Variants in MEI4 observed in about 807,000 individuals in gnomAD.
MEI4 encodes meiotic double-stranded break formation protein 4, also known as meiosis-specific protein MEI4.
In MEI4, 27 loss-of-function variants were observed where a neutral mutation model predicts 31.4. The observed-to-expected ratio is 0.86, with a 90% confidence interval of 0.63 to 1.19. MEI4 has a LOEUF of 1.19. Among genes scored for constraint, MEI4 ranks in the 50% most tolerant of loss-of-function variants. MEI4 has a pLI of 0.00. For missense variants in MEI4, 329 were observed against 398.9 expected (o/e 0.82, Z 1.49); for synonymous variants, 122 against 145.4 (o/e 0.84, Z 1.16).
At chr6:77,697,867 GT>G (rs1314765033) in intron 2 of MEI4, among the ~76,000 whole-genome samples, 2 of 152,158 alleles carry the variant, frequency 1.3e-5, no homozygotes, top group Admixed American at 6.5e-5. Flanking sequence ...ACAGTGGGGT[GT>G]TAAAGTCTCC....
intron 4 of MEI4, among the ~76,000 whole-genome samples, chr6:77,890,885 G>A (rs7764019): frequency 3.3e-5 from 5 of 152,104 alleles, no homozygotes; most frequent in Admixed American, 6.5e-5. Flanking sequence ...TCCTGCTGCC[G>A]TGTGAATAAA....
chr6:77,757,212 T>C (rs1249947377), intron 2 of MEI4, among the ~76,000 whole-genome samples: 1 of 152,236 alleles, frequency 6.6e-6, no homozygotes, highest in Non-Finnish European at 1.5e-5. Context: ...AGCTAGTTTG[T>C]ATAATAAAAT....
intron 2 of MEI4, among the ~76,000 whole-genome samples, chr6:77,730,626 TTTTA>T (rs1766955861): frequency 1.3e-5 from 2 of 151,274 alleles, no homozygotes; most frequent in Admixed American, 6.6e-5. Context: ...ATTTATTTAC[TTTTA>T]TTTATTATTA....
chr6:77,738,575 T>C (rs1178270160), intron 2 of MEI4, among the ~76,000 whole-genome samples: 2 of 152,102 alleles, frequency 1.3e-5, no homozygotes, highest in East Asian at 3.9e-4. Flanking sequence ...GTCTTTATAG[T>C]AGAATGATTT....
chr6:77,795,213 A>G (rs1769044562), intron 3 of MEI4, among the ~76,000 whole-genome samples: 1 of 152,182 alleles, frequency 6.6e-6, no homozygotes, highest in South Asian at 2.1e-4. Flanking sequence ...AATAATAATG[A>G]TTAGCACAGA....
chr6:77,899,891 CTT>C (rs1766153696), intron 4 of MEI4, among the ~76,000 whole-genome samples: 1 of 149,542 alleles, frequency 6.7e-6, no homozygotes, highest in Non-Finnish European at 1.5e-5. Context: ...GTAGATGTCT[CTT>C]TGACTTAAAT....
At chr6:77,894,701 A>C (rs1397371712) in intron 4 of MEI4, among the ~76,000 whole-genome samples, 1 of 152,206 alleles carries the variant, frequency 6.6e-6, no homozygotes, top group Non-Finnish European at 1.5e-5. Flanking sequence ...CTTGTGAGCC[A>C]ATCTTGTTGT....
intron 4 of MEI4, among the ~76,000 whole-genome samples, chr6:77,882,427 C>T (rs1348011528): frequency 1.3e-5 from 2 of 152,144 alleles, no homozygotes; most frequent in African/African-American, 4.8e-5. Flanking sequence ...TTCTTGGAGG[C>T]AATGCAAGCA....
chr6:77,792,078 G>T (rs1768952638), intron 3 of MEI4, among the ~76,000 whole-genome samples: 1 of 152,098 alleles, frequency 6.6e-6, no homozygotes, highest in African/African-American at 2.4e-5. Context: ...TTCACCTAAT[G>T]TAATGTCCTC....
chr6:77,695,321 G>C (rs984568135), intron 2 of MEI4, among the ~76,000 whole-genome samples: 4 of 151,900 alleles, frequency 2.6e-5, no homozygotes, highest in African/African-American at 4.8e-5. Flanking sequence ...TGGTGTTTTA[G>C]ACATGAAGTC....
chr6:77,686,030 A>G (rs547325112), intron 1 of MEI4, among the ~76,000 whole-genome samples: 8 of 152,084 alleles, frequency 5.3e-5, no homozygotes, highest in Middle Eastern at 6.8e-3. Context: ...ATTTCACTTG[A>G]GATCTGGTTG....
At chr6:77,745,950 C>G (rs1281848794) in intron 2 of MEI4, among the ~76,000 whole-genome samples, 1 of 152,044 alleles carries the variant, frequency 6.6e-6, no homozygotes. Context: ...ATACCAGAAT[C>G]TCTGGGACAC....
rs534699188 is a variant in MEI4, at chr6:77,660,117, C to T, written c.-15+7025C>T. ...GTGTAGGGAGATGGGAGATGTTGCC[C>T]AGTCTGTCTGTAAGGCGGGGACAGC... On this transcript the variant is annotated intron_variant, in intron 1 of 4. Transcript: ENST00000684080. 3.3e-5 allele frequency among the ~76,000 whole-genome samples: 5 copies of T among 152,084 alleles called. No homozygotes were observed. The South Asian group carries it at 1.0e-3, about 32-fold the overall frequency.
chr6:77,731,819 A>G (rs1275695060), intron 2 of MEI4, among the ~76,000 whole-genome samples: 1 of 152,030 alleles, frequency 6.6e-6, no homozygotes, highest in Non-Finnish European at 1.5e-5. Flanking sequence ...GGTGTAAGGA[A>G]GGGATCCAGT....
chr6:77,787,360 C>G (rs9341694), intron 3 of MEI4, among the ~76,000 whole-genome samples: 20,988 of 152,164 alleles, frequency 0.14, 1,538 homozygotes, highest in Middle Eastern at 0.21. Flanking sequence ...GACCAAGGTT[C>G]TGAAGCCAGT....
intron 4 of MEI4, among the ~76,000 whole-genome samples, chr6:77,836,186 C>T (rs943144236): frequency 2.0e-5 from 3 of 151,864 alleles, no homozygotes; most frequent in Non-Finnish European, 1.5e-5. Context: ...TAAAATGAAT[C>T]GTTAATTTTT....
Position 77,876,369 on chromosome 6 carries a change from G to A in MEI4, c.901-46720G>A, listed in dbSNP as rs142847222. Among the ~76,000 whole-genome samples, 495 of 152,212 alleles carry A rather than the reference G, an allele frequency of 3.3e-3. 2 individuals carry two copies. The highest frequency in any genetic ancestry group is 0.012 in the African/African-American group (484 of 41,554). ...TTAATTATCATAGGAGTGAGTTCTTGATTAAAGGATAAGTTCAGCTCCATT... is the reference window on the plus strand; with the variant it reads ...TTAATTATCATAGGAGTGAGTTCTTAATTAAAGGATAAGTTCAGCTCCATT... On this transcript the variant is annotated intron_variant, in intron 4 of 4. Transcript: ENST00000684080.
At chr6:77,777,966 C>T (rs574893463) in intron 3 of MEI4, among the ~76,000 whole-genome samples, 412 of 151,072 alleles carry the variant, frequency 2.7e-3, no homozygotes, top group African/African-American at 9.3e-3. Context: ...AAAATTATGC[C>T]GATGAATAAA....
At chr6:77,783,355 C>A (rs1561986390) in intron 3 of MEI4, among the ~76,000 whole-genome samples, 1 of 152,082 alleles carries the variant, frequency 6.6e-6, no homozygotes, top group Non-Finnish European at 1.5e-5. Context: ...TGATAAAAAG[C>A]TTGTTTTACT....
Sources: gnomAD v4.1 joint callset for allele counts (sites outside exome capture counted in the v4.1 genomes callset) on GRCh38, gnomAD v4.1.1 for gene constraint, MANE v1.5 for transcripts, NCBI Gene and HGNC (gene_info 2026-07-23, HGNC 2026-07-21) for gene names.